TSTD2: variants seen among roughly 807,000 people sequenced by gnomAD.
TSTD2 encodes the protein thiosulfate sulfurtransferase/rhodanese-like domain-containing protein 2.
Under a neutral mutation model 47.9 loss-of-function variants are expected in TSTD2, and 37 were observed. The ratio of observed to expected loss-of-function variants is 0.77; its 90% CI spans 0.59 to 1.02. TSTD2 has a LOEUF of 1.02. Ranked by LOEUF, TSTD2 falls within the 50% of genes least tolerant of loss-of-function variation. The pLI is 0.00. For synonymous variants in TSTD2, 201 were observed against 215.9 expected (o/e 0.93, Z 0.61); for missense variants, 586 against 616.0 (o/e 0.95, Z 0.52).
chr9:97,625,767 G>A lies in TSTD2; in HGVS notation c.396C>T (p.Asn132=). ...TATGTGGAAGGCACTCTTTTAAAGG[G>A]TTCTTTTCATCTGCAGACGAAAGAC... is the stretch of plus-strand genomic sequence containing the variant. ...SKSLSSADEK[N]PLKECLPHSH... The change falls in exon 3 of 10, where the codon AAC becomes AAT. Residue 132 remains asparagine, a synonymous_variant. Transcript: ENST00000341170. 6.2e-7 allele frequency: 1 copy of A among 1,614,136 alleles called. No homozygotes were observed. Among genetic ancestry groups the A allele is most frequent in the South Asian group, 1.1e-5 (1 of 91,084 alleles).
chr9:97,602,787 C>A lies in TSTD2; in HGVS notation c.1253-20G>T. The A allele has an allele frequency of 1.3e-6, 2 of 1,586,836 alleles. No homozygotes were observed. The highest frequency in any genetic ancestry group is 1.7e-6 in the Non-Finnish European group (2 of 1,163,662). On this transcript the variant is annotated intron_variant, in intron 9 of 9. Coordinates refer to ENST00000341170, the MANE Select transcript of TSTD2 (RefSeq NM_139246.5). ...AACACTCTGGGGAGGAAGGAAAAGC[C>A]ATCATTATAAACACATACATTCACA... is the stretch of plus-strand genomic sequence containing the variant.
chr9:97,600,320 G>GA lies in TSTD2; in HGVS notation c.*2148dup, dbSNP rs1009675400. ...TTTGCTGGATATGCAGAAATGATAG[G>GA]AAAAAAACCAATGGTGAAATTTCAA... On this transcript the variant is annotated 3_prime_UTR_variant, in exon 10 of 10. Coordinates refer to ENST00000341170, the MANE Select transcript of TSTD2 (RefSeq NM_139246.5). The GA allele has an allele frequency of 1.1e-4, 113 of 985,796 alleles. No homozygotes were observed. Among genetic ancestry groups the GA allele is most frequent in the Non-Finnish European group, 1.2e-4 (98 of 830,100 alleles). 61.1% of individuals were successfully genotyped at this position (985,796 alleles called of 1,614,324 possible).
At chr9:97,630,945 T>C (rs1826798522) in intron 1 of TSTD2, among the ~76,000 whole-genome samples, 1 of 152,226 alleles carries the variant, frequency 6.6e-6, no homozygotes, top group Non-Finnish European at 1.5e-5. Context: ...TTTTACACTG[T>C]GTGTGAAGCC....
At position 97,627,518 on chromosome 9, in the gene TSTD2, G is replaced by A. The variant is rs759122017; in HGVS notation, c.45C>T (p.Asn15=). The A allele has an allele frequency of 1.6e-5, 26 of 1,612,966 alleles. No homozygotes were observed. The South Asian group carries it at 2.9e-4, about 18-fold the overall frequency. Residue 15 remains asparagine (N), a synonymous_variant, in exon 2 of 10, where the codon AAC becomes AAT. Transcript: ENST00000341170. ...CCAGGTCAGAAAATCTTAAAATGCA[G>A]TTCTCCAGGTCATCTCCTTGGTCTG... ...TSPDQGDDLE[N]CILRFSDLDL... is the part of the protein sequence containing the mutation.
At chr9:97,611,768 A>C in intron 4 of TSTD2, 69 bp from the exon 5 acceptor site, 1 of 1,522,578 alleles carries the variant, frequency 6.6e-7, no homozygotes, top group Non-Finnish European at 9.0e-7. Context: ...GGGAAGAACA[A>C]TAGGCTCATG....
Position 97,602,725 on chromosome 9 carries a change from C to T in TSTD2, c.1295G>A (p.Cys432Tyr). The T allele has an allele frequency of 1.2e-6, 2 of 1,614,098 alleles. No individual in the cohort carries two copies. Among genetic ancestry groups the T allele is most frequent in the Non-Finnish European group, 1.7e-6 (2 of 1,180,008 alleles). Residue 432 changes from cysteine (C) to tyrosine (Y), a missense_variant, in exon 10 of 10, where the codon TGC (cysteine) becomes TAC (tyrosine). Transcript: ENST00000341170. ...CGARWDQYKL[C>Y]STPQCRQLVL... ...GAGCTGGCGGCACTGGGGAGTAGAG[C>T]AGAGTTTATACTGGTCCCAGCGGGC... is the stretch of plus-strand genomic sequence containing the variant.
Position 97,602,569 on chromosome 9 carries a change from C to T in TSTD2, c.1451G>A (p.Arg484Gln), listed in dbSNP as rs766832009. 9.3e-6 allele frequency: 15 copies of T among 1,614,084 alleles called. No individual in the cohort carries two copies. Among genetic ancestry groups the T allele is most frequent in the East Asian group, 2.2e-5 (1 of 44,886 alleles). ...GAGTTCCCTAGGTATGCGTGGCCGT[C>T]GGGCTGTGCACTCGCATTCCTCTTT... ...SFKEECECTA[R>Q]RPRIPRELLQ... Residue 484 changes from arginine (R) to glutamine (Q), a missense_variant, in exon 10 of 10, where the codon CGA becomes CAA. Arg to Gln is a conservative substitution (Grantham distance 43). Coordinates refer to ENST00000341170, the MANE Select transcript of TSTD2 (RefSeq NM_139246.5).
At position 97,625,988 on chromosome 9, in the gene TSTD2, G is replaced by C; in HGVS notation, c.175C>G (p.Leu59Val). 1 of 1,608,968 alleles carries C rather than the reference G, an allele frequency of 6.2e-7. No individual in the cohort carries two copies. The highest frequency in any genetic ancestry group is 8.5e-7 in the Non-Finnish European group (1 of 1,178,210). Residue 59 changes from leucine to valine, a missense_variant, in exon 3 of 10, where the codon CTT (leucine) becomes GTT (valine). Coordinates refer to ENST00000341170, the MANE Select transcript of TSTD2 (RefSeq NM_139246.5). Reference sequence around the variant, plus strand: ...GGAACTTCTTTGGTTTTGACAAAAAGGGCAAAGGCCTGCAATTAGATTTCA... The same window carrying C: ...GGAACTTCTTTGGTTTTGACAAAAACGGCAAAGGCCTGCAATTAGATTTCA... ...YSFAKKKAFALFVKTKEVPTK... is the reference protein window; with the variant it reads ...YSFAKKKAFAVFVKTKEVPTK...
intron 4 of TSTD2, among the ~76,000 whole-genome samples, chr9:97,613,722 A>G (rs1404963095): frequency 6.6e-6 from 1 of 152,154 alleles, no homozygotes. Flanking sequence ...TTCTAGTCAT[A>G]TAACACTGAT....
In TSTD2 at chr9:97,613,929, C is replaced by T. The variant is rs2131310554; in HGVS notation, c.604-2230G>A. ...CTGCAAGCTCCGCCTCCCAGGTTCA[C>T]ACCATTCTCCTGCCTCGGCCTCCCA... On this transcript the variant is annotated intron_variant, in intron 4 of 9. Transcript: ENST00000341170. Among the ~76,000 whole-genome samples the T allele has an allele frequency of 4.6e-5, 7 of 151,536 alleles. 1 individual carries two copies. The South Asian group carries it at 1.5e-3, about 32-fold the overall frequency.
chr9:97,632,522 A>T (rs1377879968), intron 1 of TSTD2, among the ~76,000 whole-genome samples: 2 of 150,586 alleles, frequency 1.3e-5, no homozygotes, highest in East Asian at 3.9e-4. Flanking sequence ...AACTGGGACT[A>T]CAGGCGCCAA....
intron 4 of TSTD2, among the ~76,000 whole-genome samples, chr9:97,616,688 T>C (rs184543364): frequency 2.5e-3 from 376 of 152,260 alleles, no homozygotes; most frequent in African/African-American, 8.2e-3. Context: ...GGGTCATATG[T>C]TGGGAAAGAT....
chr9:97,603,584 C>G (rs1826309723), intron 9 of TSTD2, among the ~76,000 whole-genome samples: 1 of 152,206 alleles, frequency 6.6e-6, no homozygotes, highest in Non-Finnish European at 1.5e-5. Flanking sequence ...AGAGGACAAT[C>G]AAACGCAAAT....
At position 97,600,490 on chromosome 9, in the gene TSTD2, A is replaced by C. The variant is rs1826232215; in HGVS notation, c.*1979T>G. On this transcript the variant is annotated 3_prime_UTR_variant, in exon 10 of 10. Transcript: ENST00000341170. ...GAATGCCAACCTTATGATGGATGTG[A>C]AAATCTACGGCCAAATACTTTTGAA... is the stretch of plus-strand genomic sequence containing the variant. 3.1e-5 allele frequency: 31 copies of C among 985,664 alleles called. No individual in the cohort carries two copies. The highest frequency in any genetic ancestry group is 3.3e-5 in the Non-Finnish European group (27 of 830,112). The allele number at this position is 985,664 out of a possible 1,614,324, so 61.1% of individuals were successfully genotyped here. A position where few individuals can be genotyped will look rare whatever the true frequency, so the allele number is the denominator to read the frequency against.
At chr9:97,605,724 C>G in intron 7 of TSTD2, 83 bp from the exon 8 acceptor site, 3 of 1,558,078 alleles carry the variant, frequency 1.9e-6, no homozygotes, top group Non-Finnish European at 2.6e-6. Context: ...CCCAACAAAC[C>G]CTACTTAGCA....
intron 7 of TSTD2, among the ~76,000 whole-genome samples, chr9:97,605,920 C>G (rs1320089735): frequency 6.6e-6 from 1 of 152,228 alleles, no homozygotes; most frequent in Non-Finnish European, 1.5e-5. Flanking sequence ...ATGGGAGTCA[C>G]AAAGTATATT....
rs777959041 is a variant in TSTD2 at position 97,611,585 on chromosome 9, C to T, written c.718G>A (p.Asp240Asn). The T allele has an allele frequency of 1.3e-5, 21 of 1,597,422 alleles. No homozygotes were observed. Among genetic ancestry groups the T allele is most frequent in the Non-Finnish European group, 1.8e-5 (21 of 1,166,060 alleles). The change falls in exon 5 of 10, where the codon GAT (aspartate) becomes AAT (asparagine). Residue 240 changes from aspartate to asparagine, a missense_variant. Asp to Asn is a conservative substitution (Grantham distance 23). Coordinates refer to ENST00000341170, the MANE Select transcript of TSTD2 (RefSeq NM_139246.5). ...TCATTTTCTCTTACCTTAAAATCAT[C>T]TTTACACAGGTCATCCTTAAACAAT... Reference protein sequence around the residue: ...FPLFKDDLCKDDFKTSKGGAH... With the variant: ...FPLFKDDLCKNDFKTSKGGAH...
chr9:97,630,618 C>G (rs1193052463), intron 1 of TSTD2, among the ~76,000 whole-genome samples: 1 of 152,138 alleles, frequency 6.6e-6, no homozygotes, highest in Non-Finnish European at 1.5e-5. Context: ...CTATACTTAC[C>G]CTACAGGTGA....
chr9:97,619,807 G>GC (rs774283043), intron 3 of TSTD2, among the ~76,000 whole-genome samples: 48 of 152,074 alleles, frequency 3.2e-4, no homozygotes, highest in Admixed American at 5.9e-4. Flanking sequence ...AAAGTTATAC[G>GC]CAAATTTTCA....
Sources: allele counts gnomAD v4.1 joint callset (sites outside exome capture counted in the v4.1 genomes callset), GRCh38; gene constraint gnomAD v4.1.1; transcripts MANE v1.5; gene names NCBI Gene and HGNC (gene_info 2026-07-23, HGNC 2026-07-21).